PARD3B: variants seen among roughly 807,000 people sequenced by gnomAD.
The protein encoded by PARD3B is par-3 family cell polarity regulator beta.
In PARD3B, 103 loss-of-function variants were observed where a neutral mutation model predicts 130.2. The ratio of observed to expected loss-of-function variants is 0.79; its 90% CI spans 0.67 to 0.93. PARD3B has a LOEUF of 0.93. Ranked by LOEUF, PARD3B falls within the 40% of genes least tolerant of loss-of-function variation. The probability of loss-of-function intolerance (pLI) is 0.00; values close to 1 mark genes in which losing one functional copy is unlikely to be tolerated. For missense variants in PARD3B, 1,609 were observed against 1,499.2 expected (o/e 1.07, Z -1.21); for synonymous variants, 583 against 553.2 (o/e 1.05, Z -0.76).
At position 204,965,160 on chromosome 2, in the gene PARD3B, T is replaced by C; in HGVS notation, c.231T>C (p.Ala77=). 6.2e-7 allele frequency: 1 copy of C among 1,613,292 alleles called. No homozygotes were observed. The highest frequency in any genetic ancestry group is 1.7e-4 in the Middle Eastern group (1 of 6,058). Residue 77 remains alanine, a synonymous_variant, in exon 3 of 23, where the codon GCT becomes GCC. Transcript: ENST00000406610. ...GTTGGATTTGTTTGTAGCTGATTGCTGTGTTTGAAGAACAAGAACCACTCC... is the reference window on the plus strand; with the variant it reads ...GTTGGATTTGTTTGTAGCTGATTGCCGTGTTTGAAGAACAAGAACCACTCC... ...DVVEDKDKLI[A]VFEEQEPLHK...
rs934429028 is a variant in PARD3B at position 205,366,172 on chromosome 2, T to G, written c.2631-34841T>G. On this transcript the variant is annotated intron_variant, in intron 18 of 22. Transcript: ENST00000406610. The surrounding 1 kb of genome is among the most constrained non-coding windows in gnomAD (Gnocchi z 5.0). ...GGTTACTTTAAACCAATTTTTTTCT[T>G]TCCTAATTCAACTTAGGAAACATTA... is the stretch of plus-strand genomic sequence containing the variant. Among the ~76,000 whole-genome samples the G allele has an allele frequency of 1.1e-4, 16 of 152,214 alleles. No individual in the cohort carries two copies. Among genetic ancestry groups the G allele is most frequent in the Admixed American group, 6.5e-5 (1 of 15,278 alleles).
Position 204,744,411 on chromosome 2 carries a change from G to A in PARD3B, c.222+58129G>A, listed in dbSNP as rs568513649. 5.2e-4 allele frequency among the ~76,000 whole-genome samples: 79 copies of A among 152,166 alleles called. 1 individual carries two copies. In the South Asian group the frequency reaches 0.016, roughly 30 times the overall value. ...TTGATATAAAAACATTTTGAATTTT[G>A]TAGCACATTTTTCTAATTCTTAGGT... On this transcript the variant is annotated intron_variant, in intron 2 of 22. Coordinates refer to ENST00000406610, the MANE Select transcript of PARD3B (RefSeq NM_001302769.2).
At chr2:205,162,352 G>A (rs539188948) in intron 11 of PARD3B, among the ~76,000 whole-genome samples, 9 of 152,278 alleles carry the variant, frequency 5.9e-5, no homozygotes, top group Non-Finnish European at 7.3e-5. Flanking sequence ...TTTGTCATAC[G>A]GAGCTCTTCA....
intron 1 of PARD3B, among the ~76,000 whole-genome samples, chr2:204,658,393 A>G (rs1386610958): frequency 1.3e-5 from 2 of 152,174 alleles, no homozygotes; most frequent in Non-Finnish European, 2.9e-5. Context: ...AAAATACAAA[A>G]GGATTATTAA....
At chr2:205,211,346 A>G (rs935702487) in intron 15 of PARD3B, among the ~76,000 whole-genome samples, 1 of 152,048 alleles carries the variant, frequency 6.6e-6, no homozygotes, top group East Asian at 1.9e-4. Context: ...TGCGAAAGTC[A>G]TCCATACATC....
intron 3 of PARD3B, among the ~76,000 whole-genome samples, chr2:204,983,461 A>C (rs1241185546): frequency 6.6e-6 from 1 of 152,172 alleles, no homozygotes; most frequent in Admixed American, 6.5e-5. Flanking sequence ...TTAGAAAAAA[A>C]AGACAACATT....
In PARD3B at chr2:205,158,147, A is replaced by G. The variant is rs905234949; in HGVS notation, c.1435-575A>G. 5.9e-5 allele frequency among the ~76,000 whole-genome samples: 9 copies of G among 152,246 alleles called. No individual in the cohort carries two copies. Among genetic ancestry groups the G allele is most frequent in the African/African-American group, 1.9e-4 (8 of 41,464 alleles). ...AGTGAAATTTCATTTGATGATATCC[A>G]TTATAAATCGTTTTTCTCTAACTTT... On this transcript the variant is annotated intron_variant, in intron 10 of 22. Transcript: ENST00000406610. This position sits in a 1 kb window ranked among gnomAD's most constrained non-coding sequence, Gnocchi z 5.4.
intron 21 of PARD3B, among the ~76,000 whole-genome samples, chr2:205,551,351 C>CT (rs781416650): frequency 0.01 from 1,405 of 139,948 alleles, 13 homozygotes; most frequent in Middle Eastern, 0.03. Context: ...TCTTCCTTTT[C>CT]TTTTTTTTTT....
Position 205,366,168 on chromosome 2 carries a change from T to C in PARD3B, c.2631-34845T>C, listed in dbSNP as rs2044602092. On this transcript the variant is annotated intron_variant, in intron 18 of 22. Coordinates refer to ENST00000406610, the MANE Select transcript of PARD3B (RefSeq NM_001302769.2). The surrounding 1 kb of genome is among the most constrained non-coding windows in gnomAD (Gnocchi z 5.0). ...TGTGGGTTACTTTAAACCAATTTTTTTCTTTCCTAATTCAACTTAGGAAAC... is the reference window on the plus strand; with the variant it reads ...TGTGGGTTACTTTAAACCAATTTTTCTCTTTCCTAATTCAACTTAGGAAAC... Among the ~76,000 whole-genome samples the C allele has an allele frequency of 6.6e-6, 1 of 152,216 alleles. No homozygotes were observed. The highest frequency in any genetic ancestry group is 6.5e-5 in the Admixed American group (1 of 15,276).
intron 3 of PARD3B, among the ~76,000 whole-genome samples, chr2:205,024,167 T>C (rs1248031951): frequency 6.4e-4 from 84 of 130,994 alleles, no homozygotes; most frequent in African/African-American, 2.7e-3. Flanking sequence ...TCTTTCTTTT[T>C]TTTTTTTTTT....
chr2:205,572,479 G>A lies in PARD3B; in HGVS notation c.3260+19076G>A, dbSNP rs2053592869. Among the ~76,000 whole-genome samples the A allele has an allele frequency of 1.3e-5, 2 of 152,082 alleles. No individual in the cohort carries two copies. Among genetic ancestry groups the A allele is most frequent in the Non-Finnish European group, 2.9e-5 (2 of 68,016 alleles). On this transcript the variant is annotated intron_variant, in intron 22 of 22. Coordinates refer to ENST00000406610, the MANE Select transcript of PARD3B (RefSeq NM_001302769.2). The surrounding 1 kb of genome is among the most constrained non-coding windows in gnomAD (Gnocchi z 4.2). ...GGAGAGACAGGCCGGGTGCGGTGGT[G>A]CACGCCTGTAATCCCAGCACTTTGG...
intron 2 of PARD3B, among the ~76,000 whole-genome samples, chr2:204,702,929 T>C (rs1279591540): frequency 6.6e-6 from 1 of 152,214 alleles, no homozygotes; most frequent in Non-Finnish European, 1.5e-5. Flanking sequence ...AGAAGCACTT[T>C]TAAATGTGAA....
chr2:204,594,022 C>T (rs973029672), intron 1 of PARD3B, among the ~76,000 whole-genome samples: 5 of 152,214 alleles, frequency 3.3e-5, no homozygotes. Flanking sequence ...AGATGCCACA[C>T]AGTGGTTCCA....
In PARD3B at chr2:204,669,451, TAA is replaced by T. The variant is rs1349535257; in HGVS notation, c.121-16728_121-16727del. Among the ~76,000 whole-genome samples the T allele has an allele frequency of 1.3e-5, 2 of 152,204 alleles. No individual in the cohort carries two copies. The highest frequency in any genetic ancestry group is 6.5e-5 in the Admixed American group (1 of 15,270). ...GGCATAACTCACTATATATTTTATATAAAGTCACCTCTTATAACTTGCATAAC... is the reference window on the plus strand; with the variant it reads ...GGCATAACTCACTATATATTTTATATAGTCACCTCTTATAACTTGCATAAC... On this transcript the variant is annotated intron_variant, in intron 1 of 22. Transcript: ENST00000406610. The surrounding 1 kb of genome is among the most constrained non-coding windows in gnomAD (Gnocchi z 4.3).
At chr2:205,329,652 C>A (rs1313896449) in intron 18 of PARD3B, among the ~76,000 whole-genome samples, 1 of 152,148 alleles carries the variant, frequency 6.6e-6, no homozygotes, top group Non-Finnish European at 1.5e-5. Context: ...TAAGGGCCCT[C>A]CTCATTGGAG....
At chr2:204,963,503 G>T (rs565309534) in intron 2 of PARD3B, among the ~76,000 whole-genome samples, 15 of 152,202 alleles carry the variant, frequency 9.9e-5, no homozygotes, top group Middle Eastern at 3.4e-3. Flanking sequence ...TGATTGGTAT[G>T]TTAAATGTTA....
At chr2:205,297,704 T>G (rs1433006104) in intron 16 of PARD3B, among the ~76,000 whole-genome samples, 1 of 152,180 alleles carries the variant, frequency 6.6e-6, no homozygotes, top group African/African-American at 2.4e-5. Context: ...TACAGCTACA[T>G]TCTGTGCATT....
chr2:205,267,970 C>A (rs2040575683), intron 16 of PARD3B, among the ~76,000 whole-genome samples: 1 of 152,078 alleles, frequency 6.6e-6, no homozygotes, highest in South Asian at 2.1e-4. Context: ...AAGAGGCTGC[C>A]ACCATATTTT....
At chr2:204,738,853 A>G (rs1483680732) in intron 2 of PARD3B, among the ~76,000 whole-genome samples, 9 of 152,208 alleles carry the variant, frequency 5.9e-5, no homozygotes, top group Non-Finnish European at 1.5e-5. Flanking sequence ...AACTGTTTTT[A>G]AATGGCTGAT....
Sources: gnomAD v4.1 joint callset for allele counts (sites outside exome capture counted in the v4.1 genomes callset) on GRCh38, gnomAD v4.1.1 for gene constraint, Gnocchi (gnomAD v3.1) non-coding constraint, MANE v1.5 for transcripts, NCBI Gene and HGNC (gene_info 2026-07-23, HGNC 2026-07-21) for gene names.